The following MEGF10 variants were observed in gnomAD, a reference collection of about 807,000 sequenced individuals.
The protein encoded by MEGF10 is multiple EGF like domains 10, also known as multiple epidermal growth factor-like domains protein 10.
In MEGF10, 86 loss-of-function variants were observed where a neutral mutation model predicts 147.5. The observed-to-expected ratio is 0.58, with a 90% CI of 0.49 to 0.70. The LOEUF (loss-of-function observed/expected upper bound fraction) is 0.70. Ranked by LOEUF, MEGF10 falls within the 30% of genes least tolerant of loss-of-function variation. The pLI, the probability that MEGF10 is intolerant of heterozygous loss-of-function variation, is 0.00. For missense variants in MEGF10, 1,329 were observed against 1,487.3 expected (o/e 0.89, Z 1.75); for synonymous variants, 478 against 525.5 (o/e 0.91, Z 1.24).
chr5:127,281,475 G>C, the MEGF10 span, among the ~76,000 whole-genome samples: 83,722 of 152,028 alleles, frequency 0.55, 23,457 homozygotes, highest in Middle Eastern at 0.71. Context: ...TATCTCGAGT[G>C]TCAGATTATA....
At chr5:127,269,299 G>C in the MEGF10 span, among the ~76,000 whole-genome samples, 1 of 152,316 alleles carries the variant, frequency 6.6e-6, no homozygotes, top group East Asian at 1.9e-4. Flanking sequence ...CGAGCTAAAG[G>C]AGCGAGTTCA....
chr5:127,355,370 A>T, intron 4 of MEGF10, among the ~76,000 whole-genome samples: 1 of 152,192 alleles, frequency 6.6e-6, no homozygotes, highest in East Asian at 1.9e-4. Context: ...GAGTAGAGAT[A>T]AAAGTGAGAC....
At chr5:127,271,137 CA>C in the MEGF10 span, among the ~76,000 whole-genome samples, 7 of 152,298 alleles carry the variant, frequency 4.6e-5, no homozygotes, top group African/African-American at 1.7e-4. Flanking sequence ...GGAATTACCA[CA>C]CTATCTTCCA....
At chr5:127,307,583 G>A (rs963347547) in intron 1 of MEGF10, among the ~76,000 whole-genome samples, 2 of 152,192 alleles carry the variant, frequency 1.3e-5, no homozygotes, top group African/African-American at 4.8e-5. Flanking sequence ...TGAGGGCACA[G>A]CCTAAAGAGC....
At chr5:127,238,394 C>T in the MEGF10 span, among the ~76,000 whole-genome samples, 1 of 152,058 alleles carries the variant, frequency 6.6e-6, no homozygotes, top group Non-Finnish European at 1.5e-5. Context: ...AAACCAAGGT[C>T]TTCCTTTAGT....
chr5:127,309,764 T>C (rs1490507350), intron 1 of MEGF10, among the ~76,000 whole-genome samples: 2 of 152,104 alleles, frequency 1.3e-5, no homozygotes, highest in Non-Finnish European at 2.9e-5. Context: ...TGTACAAATA[T>C]CTGTTCAATT....
chr5:127,410,957 C>T (rs1764535385), intron 9 of MEGF10, among the ~76,000 whole-genome samples: 1 of 151,838 alleles, frequency 6.6e-6, no homozygotes. Context: ...GGAGTTTAGC[C>T]AAATTTAGTA....
At chr5:127,230,185 G>A in the MEGF10 span, among the ~76,000 whole-genome samples, 2 of 152,096 alleles carry the variant, frequency 1.3e-5, no homozygotes, top group Non-Finnish European at 2.9e-5. Context: ...GGGGATGAGA[G>A]CTCTCTCATC....
chr5:127,355,235 G>A (rs1265194920), intron 4 of MEGF10, among the ~76,000 whole-genome samples: 4 of 152,026 alleles, frequency 2.6e-5, no homozygotes, highest in South Asian at 4.2e-4. Flanking sequence ...GGAGTTTGAG[G>A]CAGACAGAGC....
In MEGF10 at chr5:127,457,594, A is replaced by T; in HGVS notation, c.*276A>T. On this transcript the variant is annotated 3_prime_UTR_variant, in exon 25 of 25. Transcript: ENST00000503335. Reference sequence around the variant, plus strand: ...TTATTGTAAGATGTTGGCTGAAAGCATGAACTTGCAGAACTCCCTCGGAGA... The same window carrying T: ...TTATTGTAAGATGTTGGCTGAAAGCTTGAACTTGCAGAACTCCCTCGGAGA... 1 of 389,906 alleles carries T rather than the reference A, an allele frequency of 2.6e-6. No individual in the cohort carries two copies. The highest frequency in any genetic ancestry group is 2.0e-5 in the African/African-American group (1 of 49,850). 24.2% of individuals were successfully genotyped at this position (389,906 alleles called of 1,614,324 possible). A position where few individuals can be genotyped will look rare whatever the true frequency, so the allele number is the denominator to read the frequency against.
At chr5:127,350,156 C>T (rs556920573) in intron 4 of MEGF10, among the ~76,000 whole-genome samples, 12 of 152,206 alleles carry the variant, frequency 7.9e-5, no homozygotes, top group African/African-American at 2.9e-4. Context: ...CCTTTGGGCT[C>T]ATCTCACATA....
intron 16 of MEGF10, among the ~76,000 whole-genome samples, chr5:127,436,073 G>T (rs1765545049): frequency 6.6e-6 from 1 of 152,068 alleles, no homozygotes; most frequent in Non-Finnish European, 1.5e-5. Context: ...GTTTTGAAAG[G>T]GTCAGTGCAA....
At chr5:127,285,620 T>G in the MEGF10 span, among the ~76,000 whole-genome samples, 2 of 152,054 alleles carry the variant, frequency 1.3e-5, no homozygotes, top group African/African-American at 2.4e-5. Flanking sequence ...TTTAGAACAA[T>G]CTACCCAATA....
intron 5 of MEGF10, among the ~76,000 whole-genome samples, chr5:127,395,042 T>C (rs549865616): frequency 6.6e-6 from 1 of 152,234 alleles, no homozygotes; most frequent in Non-Finnish European, 1.5e-5. Flanking sequence ...TCCAGATCTG[T>C]TGAAGTTACA....
intron 16 of MEGF10, among the ~76,000 whole-genome samples, chr5:127,438,155 A>G (rs1336379617): frequency 6.6e-6 from 1 of 152,152 alleles, no homozygotes. Flanking sequence ...GGTGTTGAAT[A>G]TGTGTTTGTT....
chr5:127,275,483 A>G, the MEGF10 span, among the ~76,000 whole-genome samples: 11 of 152,334 alleles, frequency 7.2e-5, no homozygotes, highest in African/African-American at 2.6e-4. Context: ...GGACATAGAA[A>G]CTACTACAGA....
At position 127,422,882 on chromosome 5, in the gene MEGF10, G is replaced by GA. The variant is rs1344294608; in HGVS notation, c.1693+114dup. 4 of 790,494 alleles carry GA rather than the reference G, an allele frequency of 5.1e-6. No individual in the cohort carries two copies. In the East Asian group the frequency reaches 1.1e-4, roughly 22 times the overall value. The allele number at this position is 790,494 out of a possible 1,614,324, so 49.0% of individuals were successfully genotyped here. On this transcript the variant is annotated intron_variant, in intron 13 of 24. Transcript: ENST00000503335. ...CACCAGTCAACTTTTCAAAAAAAATGAAAATTCGATAAGGTTTCCAGTAAA... is the reference window on the plus strand; with the variant it reads ...CACCAGTCAACTTTTCAAAAAAAATGAAAAATTCGATAAGGTTTCCAGTAAA...
intron 22 of MEGF10, 23 bp from the exon 23 acceptor site, chr5:127,454,543 T>G: frequency 6.3e-7 from 1 of 1,596,094 alleles, no homozygotes; most frequent in Non-Finnish European, 8.5e-7. Flanking sequence ...TCACTGGGTG[T>G]TTTTTTTCTT....
chr5:127,243,975 T>G, the MEGF10 span, among the ~76,000 whole-genome samples: 1 of 151,874 alleles, frequency 6.6e-6, no homozygotes, highest in Non-Finnish European at 1.5e-5. Context: ...GGCAGGCGGA[T>G]CACCTGAGGT....
Sources: allele counts gnomAD v4.1 joint callset (sites outside exome capture counted in the v4.1 genomes callset), GRCh38; gene constraint gnomAD v4.1.1; transcripts MANE v1.5; gene names NCBI Gene and HGNC (gene_info 2026-07-23, HGNC 2026-07-21).